Variants in CHST9 observed in about 807,000 individuals in gnomAD.
CHST9 encodes GalNAc-4-sulfotransferase 2.
Under a neutral mutation model 44.4 loss-of-function variants are expected in CHST9, and 41 were observed. That is an observed-to-expected ratio of 0.92 (90% confidence interval 0.72 to 1.20). The LOEUF is 1.20. Among genes scored for constraint, CHST9 ranks in the 50% most tolerant of loss-of-function variants. The pLI is 0.00. For synonymous variants in CHST9, 171 were observed against 178.4 expected (o/e 0.96, Z 0.33); for missense variants, 504 against 516.5 (o/e 0.98, Z 0.23).
In CHST9 at chr18:27,078,225, G is replaced by A. The variant is rs912845145; in HGVS notation, c.122-29722C>T. Among the ~76,000 whole-genome samples, 7 of 152,140 alleles carry A rather than the reference G, an allele frequency of 4.6e-5. No homozygotes were observed. The South Asian group carries it at 1.5e-3, about 32-fold the overall frequency. On this transcript the variant is annotated intron_variant, in intron 2 of 5. Transcript: ENST00000618847. ...TAAGAGAGAAACAGGGTAACAGAGT[G>A]TGACATACAGCCAGCCTGCATGCTA... is the stretch of plus-strand genomic sequence containing the variant.
intron 5 of CHST9, among the ~76,000 whole-genome samples, chr18:26,917,874 T>C (rs899372689): frequency 1.6e-4 from 20 of 124,176 alleles, no homozygotes; most frequent in Non-Finnish European, 2.9e-4. Flanking sequence ...AAAAATCATG[T>C]ATTTTTTTTT....
At chr18:27,050,890 T>C (rs1009671646) in intron 2 of CHST9, among the ~76,000 whole-genome samples, 1 of 152,190 alleles carries the variant, frequency 6.6e-6, no homozygotes, top group African/African-American at 2.4e-5. Context: ...AAACAACTTT[T>C]TGGAGTGTCT....
chr18:26,938,099 T>C (rs1270413651), intron 5 of CHST9, among the ~76,000 whole-genome samples: 1 of 152,154 alleles, frequency 6.6e-6, no homozygotes, highest in Non-Finnish European at 1.5e-5. Flanking sequence ...TTCTTCTTGG[T>C]GGTCATGCTT....
chr18:26,922,780 C>T (rs1040230083), intron 5 of CHST9, among the ~76,000 whole-genome samples: 13 of 152,120 alleles, frequency 8.5e-5, no homozygotes, highest in Non-Finnish European at 1.0e-4. Flanking sequence ...GGATTACAGG[C>T]GCATGCCACC....
intron 5 of CHST9, among the ~76,000 whole-genome samples, chr18:26,932,838 A>G (rs909916369): frequency 6.6e-6 from 1 of 152,210 alleles, no homozygotes; most frequent in Non-Finnish European, 1.5e-5. Context: ...CTAGGTAGTA[A>G]CTTATCAGAT....
In CHST9 at chr18:26,961,093, T is replaced by C. The variant is rs143971286; in HGVS notation, c.203-16727A>G. Among the ~76,000 whole-genome samples, 534 of 152,306 alleles carry C rather than the reference T, an allele frequency of 3.5e-3. 3 individuals are homozygous for C. Among genetic ancestry groups the C allele is most frequent in the African/African-American group, 0.011 (471 of 41,564 alleles). On this transcript the variant is annotated intron_variant, in intron 4 of 5. Transcript: ENST00000618847. ...GATGATGAAGAATGAGGCATACAGA[T>C]ACTAACGTGCCTGGAATTGCAGCTG...
At chr18:27,166,905 T>C (rs9957189) in intron 1 of CHST9, among the ~76,000 whole-genome samples, 1,719 of 152,304 alleles carry the variant, frequency 0.011, 28 homozygotes, top group African/African-American at 0.036. Context: ...GATGAACATA[T>C]GTACTGAATT....
intron 4 of CHST9, among the ~76,000 whole-genome samples, chr18:27,000,654 A>ATCTC (rs773832183): frequency 6.7e-6 from 1 of 150,310 alleles, no homozygotes; most frequent in African/African-American, 2.5e-5. Context: ...CTATCTATCT[A>ATCTC]TCTCTCTATC....
chr18:27,008,209 C>G (rs143282116), intron 4 of CHST9, among the ~76,000 whole-genome samples: 146 of 152,260 alleles, frequency 9.6e-4, no homozygotes, highest in Middle Eastern at 3.4e-3. Flanking sequence ...AGAGATAGAT[C>G]TCAGCAGGTG....
At chr18:26,947,786 T>C (rs1032721796) in intron 4 of CHST9, among the ~76,000 whole-genome samples, 1 of 152,202 alleles carries the variant, frequency 6.6e-6, no homozygotes, top group Non-Finnish European at 1.5e-5. Flanking sequence ...GGAATCCTTT[T>C]ACACTGTTGG....
chr18:27,083,908 G>C (rs539428510), intron 2 of CHST9, among the ~76,000 whole-genome samples: 2 of 152,126 alleles, frequency 1.3e-5, no homozygotes, highest in East Asian at 1.9e-4. Flanking sequence ...CATGTAGTCT[G>C]TGGTTTTAGT....
At chr18:26,932,561 A>G (rs1281031479) in intron 5 of CHST9, among the ~76,000 whole-genome samples, 1 of 152,148 alleles carries the variant, frequency 6.6e-6, no homozygotes, top group East Asian at 1.9e-4. Context: ...GAAGGGGGGC[A>G]AGCTGAAGTA....
intron 2 of CHST9, among the ~76,000 whole-genome samples, chr18:27,063,202 C>T (rs2057745516): frequency 6.6e-6 from 1 of 152,106 alleles, no homozygotes; most frequent in Admixed American, 6.6e-5. Flanking sequence ...CCCAAGATTA[C>T]CCAGTAAACA....
intron 1 of CHST9, 89 bp downstream of exon 1, chr18:27,185,047 C>G (rs1350412005): frequency 6.6e-6 from 1 of 152,440 alleles, no homozygotes; most frequent in African/African-American, 2.4e-5. Flanking sequence ...CCCACCAGAG[C>G]CCGCTCCCGG....
intron 2 of CHST9, among the ~76,000 whole-genome samples, chr18:27,120,506 A>G (rs1265272426): frequency 2.0e-5 from 3 of 152,142 alleles, no homozygotes; most frequent in Non-Finnish European, 4.4e-5. Context: ...CCATCTTAGA[A>G]ACTGTAGGAT....
Position 26,906,524 on chromosome 18 carries a change from A to G in CHST9, c.*9735T>C, listed in dbSNP as rs995497293. The G allele has an allele frequency of 2.0e-5, 3 of 152,214 alleles. No homozygotes were observed. The highest frequency in any genetic ancestry group is 6.5e-5 in the Admixed American group (1 of 15,284). The allele number at this position is 152,214 out of a possible 1,614,324, so 9.4% of individuals were successfully genotyped here. On this transcript the variant is annotated 3_prime_UTR_variant, in exon 6 of 6. Transcript: ENST00000618847. ...TTATTTTATTGAGCACTTATTAAAT[A>G]CTTTACATGCATTTCCCATACCCCC...
intron 2 of CHST9, among the ~76,000 whole-genome samples, chr18:27,091,576 G>A (rs1279635997): frequency 3.3e-5 from 5 of 152,144 alleles, no homozygotes; most frequent in Non-Finnish European, 1.5e-5. Context: ...GATATTGGCT[G>A]TGGGTTTGTC....
chr18:27,141,742 T>TAAAAAAA (rs35595422), intron 2 of CHST9, among the ~76,000 whole-genome samples: 3 of 122,040 alleles, frequency 2.5e-5, no homozygotes, highest in Non-Finnish European at 5.2e-5. Context: ...TAGAATAACT[T>TAAAAAAA]AAAAAAAAAA....
chr18:26,984,073 C>G (rs2056725429), intron 4 of CHST9, among the ~76,000 whole-genome samples: 1 of 152,130 alleles, frequency 6.6e-6, no homozygotes, highest in South Asian at 2.1e-4. Context: ...CTTAAGATAA[C>G]CTTAGGCAAG....
Sources: allele counts gnomAD v4.1 joint callset (sites outside exome capture counted in the v4.1 genomes callset), GRCh38; gene constraint gnomAD v4.1.1; transcripts MANE v1.5; gene names NCBI Gene and HGNC (gene_info 2026-07-23, HGNC 2026-07-21).